The following CSMD1 variants were observed in gnomAD, a reference collection of about 807,000 sequenced individuals.
CSMD1 encodes the protein CUB and sushi domain-containing protein 1.
A neutral mutation model predicts 417.5 loss-of-function variants in CSMD1; 213 were observed. The ratio of observed to expected loss-of-function variants is 0.51; its 90% confidence interval spans 0.46 to 0.57. The LOEUF (loss-of-function observed/expected upper bound fraction) is 0.57. CSMD1 is among the 20% of genes least tolerant of loss of function. The probability of loss-of-function intolerance (pLI) is 0.00; values close to 1 mark genes in which losing one functional copy is unlikely to be tolerated. For missense variants in CSMD1, 6,923 were observed against 4,529.7 expected (o/e 1.53, Z -15.17); for synonymous variants, 2,862 against 1,736.8 (o/e 1.65, Z -16.11).
intron 5 of CSMD1, among the ~76,000 whole-genome samples, chr8:3,974,929 T>A (rs1401664142): frequency 1.3e-5 from 2 of 152,214 alleles, no homozygotes; most frequent in Admixed American, 6.5e-5. Flanking sequence ...TTATCTTGAT[T>A]ACTTCGAACA....
chr8:4,787,861 A>T (rs1563384801), intron 1 of CSMD1: 9 of 1,572,022 alleles, frequency 5.7e-6, no homozygotes, highest in Non-Finnish European at 7.8e-6. Context: ...GTTGCCCCAG[A>T]ATTGTACACT....
chr8:2,977,745 C>G (rs1805057375), intron 55 of CSMD1, among the ~76,000 whole-genome samples: 1 of 151,942 alleles, frequency 6.6e-6, no homozygotes. Context: ...AAAAAACAAC[C>G]CCATTAAAAA....
chr8:3,255,684 C>T (rs759286950), intron 26 of CSMD1, among the ~76,000 whole-genome samples: 2 of 152,236 alleles, frequency 1.3e-5, no homozygotes, highest in Non-Finnish European at 2.9e-5. Flanking sequence ...GGGATATAAT[C>T]TCCTGGTGTG....
At chr8:4,141,142 C>G (rs370569084) in intron 3 of CSMD1, among the ~76,000 whole-genome samples, 2 of 151,132 alleles carry the variant, frequency 1.3e-5, no homozygotes, top group Admixed American at 6.6e-5. Flanking sequence ...AAGAGAGCTC[C>G]AATAAGTAAC....
chr8:3,610,569 A>G (rs1319173742), intron 8 of CSMD1, among the ~76,000 whole-genome samples: 1 of 152,198 alleles, frequency 6.6e-6, no homozygotes, highest in Admixed American at 6.5e-5. Flanking sequence ...ACATATAAAT[A>G]TAGGTCATGT....
intron 1 of CSMD1, among the ~76,000 whole-genome samples, chr8:4,672,347 T>G (rs1263186917): frequency 1.3e-5 from 2 of 152,326 alleles, no homozygotes; most frequent in East Asian, 3.9e-4. Flanking sequence ...ATGGGTTGGA[T>G]GCTGACTTGA....
chr8:3,607,214 G>A (rs1801662468), intron 8 of CSMD1, among the ~76,000 whole-genome samples: 2 of 152,056 alleles, frequency 1.3e-5, no homozygotes, highest in South Asian at 2.1e-4. Context: ...ACGACGTCAG[G>A]ATCATTAATA....
chr8:3,419,531 G>C (rs1370480876), intron 12 of CSMD1, among the ~76,000 whole-genome samples: 2 of 152,088 alleles, frequency 1.3e-5, no homozygotes, highest in African/African-American at 2.4e-5. Context: ...TGCCTGTCAG[G>C]AGGAGGATAT....
At chr8:3,269,400 G>T (rs13261870) in intron 26 of CSMD1, among the ~76,000 whole-genome samples, 33,592 of 152,218 alleles carry the variant, frequency 0.22, 3,912 homozygotes, top group South Asian at 0.31. Flanking sequence ...ACAGGCTTAC[G>T]GCTGGTTTTC....
intron 1 of CSMD1, among the ~76,000 whole-genome samples, chr8:4,872,177 G>A (rs188301215): frequency 6.6e-6 from 1 of 152,094 alleles, no homozygotes; most frequent in Non-Finnish European, 1.5e-5. Context: ...AAGGCACTCT[G>A]TGTTAGCCTG....
At chr8:2,941,031 T>C (rs1451827987) in intron 69 of CSMD1, among the ~76,000 whole-genome samples, 1 of 152,248 alleles carries the variant, frequency 6.6e-6, no homozygotes, top group Admixed American at 6.5e-5. Flanking sequence ...TTTCTACATT[T>C]ACTAAATTTT....
At chr8:3,951,053 T>C (rs1030125910) in intron 5 of CSMD1, among the ~76,000 whole-genome samples, 36 of 152,232 alleles carry the variant, frequency 2.4e-4, no homozygotes, top group African/African-American at 8.7e-4. Flanking sequence ...TTTAAAGCTG[T>C]TTCAACTATT....
At chr8:3,573,769 A>G (rs1800036364) in intron 10 of CSMD1, among the ~76,000 whole-genome samples, 1 of 152,090 alleles carries the variant, frequency 6.6e-6, no homozygotes, top group Admixed American at 6.6e-5. Flanking sequence ...ACTGTTAGTA[A>G]TAACTCAATA....
In CSMD1 at chr8:3,135,530, G is replaced by C. The variant is rs543103614; in HGVS notation, c.6241+6935C>G. On this transcript the variant is annotated intron_variant, in intron 41 of 69. Coordinates refer to ENST00000635120, the MANE Select transcript of CSMD1 (RefSeq NM_033225.6). Reference sequence around the variant, plus strand: ...GATCACATTTCTGACTCTGTGAACCGGCTTCTTCCCCTTTAAAACACGCTC... The same window carrying C: ...GATCACATTTCTGACTCTGTGAACCCGCTTCTTCCCCTTTAAAACACGCTC... 3.3e-4 allele frequency among the ~76,000 whole-genome samples: 40 copies of C among 119,416 alleles called. 1 individual carries two copies. The highest frequency in any genetic ancestry group is 1.3e-3 in the African/African-American group (39 of 29,672). 78.3% of individuals were successfully genotyped at this position (119,416 alleles called of 152,430 possible). A position where few individuals can be genotyped will look rare whatever the true frequency, so the allele number is the denominator to read the frequency against.
At chr8:3,764,986 C>G (rs1369946787) in intron 5 of CSMD1, among the ~76,000 whole-genome samples, 1 of 152,052 alleles carries the variant, frequency 6.6e-6, no homozygotes, top group Non-Finnish European at 1.5e-5. Context: ...CTCAGGTGAT[C>G]TGCCCACTTC....
intron 1 of CSMD1, among the ~76,000 whole-genome samples, chr8:4,699,598 A>G (rs1467986645): frequency 6.6e-6 from 1 of 152,224 alleles, no homozygotes; most frequent in Admixed American, 6.5e-5. Flanking sequence ...TATAAACATC[A>G]GAGCTCTTGG....
chr8:3,719,954 A>G (rs781746177), intron 6 of CSMD1, among the ~76,000 whole-genome samples: 19 of 152,182 alleles, frequency 1.2e-4, no homozygotes, highest in Non-Finnish European at 2.1e-4. Flanking sequence ...TTTAATAAAG[A>G]TGATCACCAC....
At chr8:4,065,043 A>T (rs1455944506) in intron 3 of CSMD1, among the ~76,000 whole-genome samples, 1 of 152,240 alleles carries the variant, frequency 6.6e-6, no homozygotes, top group Non-Finnish European at 1.5e-5. Context: ...AAATGATTAA[A>T]ATGTGCTAAA....
At position 4,592,368 on chromosome 8, in the gene CSMD1, C is replaced by T. The variant is rs893142906; in HGVS notation, c.302+44974G>A. On this transcript the variant is annotated intron_variant, in intron 2 of 69. Transcript: ENST00000635120. ...CAAATATTTTAAAAAATATACTCTT[C>T]CGTATTCATTTTCCTTGTTATCGCT... 3.3e-5 allele frequency among the ~76,000 whole-genome samples: 5 copies of T among 151,828 alleles called. No homozygotes were observed. The Middle Eastern group carries it at 0.017, about 516-fold the overall frequency.
Sources: gnomAD v4.1 joint callset for allele counts (sites outside exome capture counted in the v4.1 genomes callset) on GRCh38, gnomAD v4.1.1 for gene constraint, MANE v1.5 for transcripts, NCBI Gene and HGNC (gene_info 2026-07-23, HGNC 2026-07-21) for gene names.